CSMD1: variants seen among roughly 807,000 people sequenced by gnomAD.
CSMD1 encodes the protein CUB and Sushi multiple domains 1.
Under a neutral mutation model 417.5 loss-of-function variants are expected in CSMD1, and 213 were observed. That is an observed-to-expected ratio of 0.51 (90% confidence interval 0.46 to 0.57). CSMD1 has a LOEUF of 0.57. CSMD1 is among the 20% of genes least tolerant of loss of function. The pLI, the probability that CSMD1 is intolerant of heterozygous loss-of-function variation, is 0.00. For synonymous variants in CSMD1, 2,862 were observed against 1,736.8 expected (o/e 1.65, Z -16.11); for missense variants, 6,923 against 4,529.7 (o/e 1.53, Z -15.17).
chr8:4,941,149 T>C (rs1199425920), intron 1 of CSMD1, among the ~76,000 whole-genome samples: 3 of 152,226 alleles, frequency 2.0e-5, no homozygotes, highest in Admixed American at 6.5e-5. Context: ...TTACAATAAA[T>C]TGGATCACTC....
intron 26 of CSMD1, among the ~76,000 whole-genome samples, chr8:3,282,175 T>A (rs780048429): frequency 6.6e-6 from 1 of 152,152 alleles, no homozygotes; most frequent in African/African-American, 2.4e-5. Flanking sequence ...ATGGAATGCA[T>A]AACACCAAAA....
chr8:4,327,313 T>A (rs989875605), intron 3 of CSMD1, among the ~76,000 whole-genome samples: 2 of 152,194 alleles, frequency 1.3e-5, no homozygotes, highest in East Asian at 3.8e-4. Context: ...TTCCTTCTTT[T>A]CAAGAGCAAT....
In CSMD1 at chr8:4,214,873, T is replaced by TA. The variant is rs139797397; in HGVS notation, c.416-182775dup. Among the ~76,000 whole-genome samples the TA allele has an allele frequency of 0.022, 3,379 of 152,248 alleles. 224 individuals carry two copies. In the East Asian group the frequency reaches 0.27, roughly 12 times the overall value. On this transcript the variant is annotated intron_variant, in intron 3 of 69. Transcript: ENST00000635120. ...CCACCAGGTTTAGATAGCGTTTTTT[T>TA]AAAAAAATGTATATTCTTTTTTAAG...
chr8:2,942,953 C>T (rs1414186156), intron 68 of CSMD1, among the ~76,000 whole-genome samples: 1 of 152,088 alleles, frequency 6.6e-6, no homozygotes, highest in Non-Finnish European at 1.5e-5. Flanking sequence ...ATTCAGAGGT[C>T]AATAATATTT....
intron 8 of CSMD1, among the ~76,000 whole-genome samples, chr8:3,606,201 G>T: frequency 6.6e-6 from 1 of 152,162 alleles, no homozygotes; most frequent in South Asian, 2.1e-4. Flanking sequence ...GGGCCAAGGT[G>T]CAGTCACTTG....
At chr8:3,779,434 G>A (rs1392044186) in intron 5 of CSMD1, among the ~76,000 whole-genome samples, 8 of 152,168 alleles carry the variant, frequency 5.3e-5, no homozygotes, top group South Asian at 4.1e-4. Context: ...AAGAAAGATC[G>A]TTTAAGTTGT....
chr8:3,625,261 A>G (rs1796438158), intron 7 of CSMD1, among the ~76,000 whole-genome samples: 1 of 152,226 alleles, frequency 6.6e-6, no homozygotes, highest in Non-Finnish European at 1.5e-5. Flanking sequence ...AATAGTTCAC[A>G]TAGAAGTAAG....
At chr8:4,215,188 G>T (rs567279931) in intron 3 of CSMD1, among the ~76,000 whole-genome samples, 1 of 152,134 alleles carries the variant, frequency 6.6e-6, no homozygotes, top group East Asian at 1.9e-4. Context: ...TTGTGTCCAC[G>T]GCATAAAGGC....
chr8:3,627,276 A>G (rs999499251), intron 7 of CSMD1, among the ~76,000 whole-genome samples: 1 of 152,178 alleles, frequency 6.6e-6, no homozygotes, highest in Non-Finnish European at 1.5e-5. Flanking sequence ...CCCATTTTGA[A>G]AATACCTAGC....
intron 5 of CSMD1, among the ~76,000 whole-genome samples, chr8:3,977,677 T>C (rs2130144543): frequency 6.6e-6 from 1 of 152,340 alleles, no homozygotes; most frequent in South Asian, 2.1e-4. Context: ...CATAAGAATG[T>C]GGTAAATCAC....
intron 1 of CSMD1, among the ~76,000 whole-genome samples, chr8:4,747,889 T>C (rs1439127938): frequency 6.6e-6 from 1 of 152,242 alleles, no homozygotes; most frequent in Admixed American, 6.5e-5. Flanking sequence ...ATATCTGTTG[T>C]TGCTTTAAGC....
intron 3 of CSMD1, among the ~76,000 whole-genome samples, chr8:4,043,285 A>G (rs755001079): frequency 6.6e-6 from 1 of 152,196 alleles, no homozygotes; most frequent in Non-Finnish European, 1.5e-5. Flanking sequence ...CACAGAAAGT[A>G]CCCAATCCAA....
chr8:3,664,199 C>T (rs531844106), intron 7 of CSMD1, among the ~76,000 whole-genome samples: 2 of 152,238 alleles, frequency 1.3e-5, no homozygotes, highest in South Asian at 2.1e-4. Context: ...CACCCCACTA[C>T]AGGCCCCTGT....
chr8:3,596,098 G>A (rs990520997), intron 8 of CSMD1, among the ~76,000 whole-genome samples: 1 of 152,194 alleles, frequency 6.6e-6, no homozygotes, highest in East Asian at 1.9e-4. Flanking sequence ...AGACCAAAAG[G>A]CGTTTTGCGG....
At chr8:3,302,090 C>G (rs1804455025) in intron 25 of CSMD1, among the ~76,000 whole-genome samples, 2 of 152,044 alleles carry the variant, frequency 1.3e-5, no homozygotes, top group Non-Finnish European at 2.9e-5. Context: ...ACACTGAAGA[C>G]TAAAGTCTCC....
chr8:4,914,158 G>A (rs1805893688), intron 1 of CSMD1, among the ~76,000 whole-genome samples: 1 of 152,092 alleles, frequency 6.6e-6, no homozygotes, highest in Non-Finnish European at 1.5e-5. Context: ...TGCATATAAA[G>A]TTAAAGAAAC....
At chr8:4,725,386 T>C (rs988469872) in intron 1 of CSMD1, among the ~76,000 whole-genome samples, 1 of 152,234 alleles carries the variant, frequency 6.6e-6, no homozygotes, top group Non-Finnish European at 1.5e-5. Flanking sequence ...GTTGTTTTGC[T>C]TGTGAAAGCG....
At chr8:4,557,469 G>A (rs964890337) in intron 2 of CSMD1, among the ~76,000 whole-genome samples, 7 of 151,416 alleles carry the variant, frequency 4.6e-5, no homozygotes, top group African/African-American at 1.5e-4. Flanking sequence ...ATTTTTAAAA[G>A]CACATTGATT....
chr8:3,925,473 A>G (rs1314774296), intron 5 of CSMD1, among the ~76,000 whole-genome samples: 3 of 152,232 alleles, frequency 2.0e-5, no homozygotes, highest in Non-Finnish European at 2.9e-5. Context: ...GATAACGTTC[A>G]TAATGCTGGG....
Sources: gnomAD v4.1 joint callset for allele counts (sites outside exome capture counted in the v4.1 genomes callset) on GRCh38, gnomAD v4.1.1 for gene constraint, MANE v1.5 for transcripts, NCBI Gene and HGNC (gene_info 2026-07-23, HGNC 2026-07-21) for gene names.